Variants in PTPRD observed in about 807,000 individuals in gnomAD.
PTPRD encodes protein tyrosine phosphatase receptor type D.
Under a neutral mutation model 214.5 loss-of-function variants are expected in PTPRD, and 34 were observed. The ratio of observed to expected loss-of-function variants is 0.16; its 90% CI spans 0.12 to 0.21. The LOEUF (loss-of-function observed/expected upper bound fraction) is 0.21. Ranked by LOEUF, PTPRD falls within the 10% of genes least tolerant of loss-of-function variation. PTPRD has a pLI of 1.00. For missense variants in PTPRD, 2,545 were observed against 2,398.7 expected, an observed-to-expected ratio of 1.06 and a Z score of -1.27; for synonymous variants, 1,128 against 845.7, an observed-to-expected ratio of 1.33 and a Z score of -5.79.
chr9:9,328,661 A>C (rs2802283), intron 9 of PTPRD, among the ~76,000 whole-genome samples: 1 of 71,640 alleles, frequency 1.4e-5, no homozygotes. Flanking sequence ...TTTTTGAGAT[A>C]GAGTCTTGCT....
At chr9:9,027,747 A>G (rs533702487) in intron 10 of PTPRD, among the ~76,000 whole-genome samples, 1 of 151,872 alleles carries the variant, frequency 6.6e-6, no homozygotes, top group Non-Finnish European at 1.5e-5. Flanking sequence ...AGTGATGGTG[A>G]AGTTTGTTAT....
chr9:8,327,842 C>G (rs958327452), intron 44 of PTPRD, among the ~76,000 whole-genome samples: 4 of 152,118 alleles, frequency 2.6e-5, no homozygotes, highest in Non-Finnish European at 5.9e-5. Flanking sequence ...GTATCCCCTG[C>G]TTTGTTTTGC....
chr9:10,579,303 T>C (rs1341500702), intron 2 of PTPRD, among the ~76,000 whole-genome samples: 1 of 152,194 alleles, frequency 6.6e-6, no homozygotes, highest in Non-Finnish European at 1.5e-5. Context: ...CAGTGTCTAT[T>C]GTTCCCATCT....
intron 33 of PTPRD, among the ~76,000 whole-genome samples, chr9:8,458,265 A>G (rs1178792786): frequency 1.3e-5 from 2 of 152,158 alleles, no homozygotes; most frequent in Middle Eastern, 3.2e-3. Flanking sequence ...GCACTTGCAG[A>G]TGAAGGAAGA....
chr9:10,210,806 T>TATATATATACATAC (rs1223389992), intron 3 of PTPRD, among the ~76,000 whole-genome samples: 9 of 91,788 alleles, frequency 9.8e-5, no homozygotes, highest in Admixed American at 1.1e-4. Flanking sequence ...CATATATATA[T>TATATATATACATAC]ATATATATAT....
intron 10 of PTPRD, among the ~76,000 whole-genome samples, chr9:9,104,138 A>T (rs2099795208): frequency 6.6e-6 from 1 of 152,182 alleles, no homozygotes. Flanking sequence ...AATAGTAGAT[A>T]CTTTAGGCTT....
intron 7 of PTPRD, among the ~76,000 whole-genome samples, chr9:9,686,759 T>G (rs2154400943): frequency 6.6e-6 from 1 of 151,930 alleles, no homozygotes; most frequent in African/African-American, 2.4e-5. Flanking sequence ...ATACATTGTG[T>G]ACATATATAC....
intron 9 of PTPRD, among the ~76,000 whole-genome samples, chr9:9,186,516 TG>T (rs2099931597): frequency 6.6e-6 from 1 of 151,892 alleles, no homozygotes; most frequent in African/African-American, 2.4e-5. Context: ...GAGGCTAAGG[TG>T]GGAAGATCGA....
chr9:10,072,101 AT>A (rs1324606477), intron 3 of PTPRD, among the ~76,000 whole-genome samples: 2 of 151,988 alleles, frequency 1.3e-5, no homozygotes, highest in Non-Finnish European at 2.9e-5. Flanking sequence ...TGCAAATTAC[AT>A]ATCTAATAAT....
At chr9:8,644,853 G>A (rs2096653667) in intron 12 of PTPRD, among the ~76,000 whole-genome samples, 1 of 152,206 alleles carries the variant, frequency 6.6e-6, no homozygotes, top group South Asian at 2.1e-4. Flanking sequence ...GAAGACATGG[G>A]ATCCAGGCCG....
chr9:10,461,918 G>A (rs554175633), intron 2 of PTPRD, among the ~76,000 whole-genome samples: 2 of 152,054 alleles, frequency 1.3e-5, no homozygotes, highest in East Asian at 1.9e-4. Context: ...CACCACACCC[G>A]GTCTATCTTG....
chr9:9,300,962 T>C (rs1251002804), intron 9 of PTPRD, among the ~76,000 whole-genome samples: 1 of 151,792 alleles, frequency 6.6e-6, no homozygotes, highest in African/African-American at 2.4e-5. Context: ...TAATACACTT[T>C]TCCCACTAGA....
At chr9:8,607,463 T>C (rs893919444) in intron 14 of PTPRD, among the ~76,000 whole-genome samples, 13 of 151,980 alleles carry the variant, frequency 8.6e-5, no homozygotes, top group Admixed American at 1.3e-4. Flanking sequence ...GTCAACATGG[T>C]GAAACCCCGT....
chr9:8,607,144 T>C (rs756423175), intron 14 of PTPRD, among the ~76,000 whole-genome samples: 45 of 152,288 alleles, frequency 3.0e-4, no homozygotes, highest in Non-Finnish European at 5.3e-4. Context: ...TAATATTATA[T>C]TCTTGAAAAA....
intron 3 of PTPRD, among the ~76,000 whole-genome samples, chr9:10,215,279 A>G (rs1194078206): frequency 1.3e-5 from 2 of 149,348 alleles, no homozygotes; most frequent in African/African-American, 4.9e-5. Flanking sequence ...GGATTTGGAG[A>G]AAAAAAAAAG....
chr9:9,101,716 T>C, intron 10 of PTPRD, among the ~76,000 whole-genome samples: 1 of 152,230 alleles, frequency 6.6e-6, no homozygotes, highest in South Asian at 2.1e-4. Flanking sequence ...TTATGCATGT[T>C]ACCCCACTGA....
chr9:8,469,340 A>T (rs150857308), intron 31 of PTPRD, among the ~76,000 whole-genome samples: 1 of 152,082 alleles, frequency 6.6e-6, no homozygotes, highest in Non-Finnish European at 1.5e-5. Context: ...CTTATTAGTT[A>T]AAACTATTTG....
At chr9:10,583,457 C>CCT (rs1555565351) in intron 2 of PTPRD, among the ~76,000 whole-genome samples, 4 of 145,452 alleles carry the variant, frequency 2.8e-5, no homozygotes, top group African/African-American at 1.0e-4. Context: ...ACTAGAAGTT[C>CCT]TTTTTTTTTT....
chr9:9,318,883 C>T (rs970874345), intron 9 of PTPRD, among the ~76,000 whole-genome samples: 4 of 152,146 alleles, frequency 2.6e-5, no homozygotes, highest in Admixed American at 1.3e-4. Flanking sequence ...TTCATCCCAC[C>T]TGCAGGCTTC....
Sources: allele counts gnomAD v4.1 joint callset (sites outside exome capture counted in the v4.1 genomes callset), GRCh38; gene constraint gnomAD v4.1.1; transcripts MANE v1.5; gene names NCBI Gene and HGNC (gene_info 2026-07-23, HGNC 2026-07-21).